The following CARHSP1 variants were observed in gnomAD, a reference collection of about 807,000 sequenced individuals.
CARHSP1 encodes the protein calcium-regulated heat-stable protein 1.
In CARHSP1, 14 loss-of-function variants were observed where a neutral mutation model predicts 12.5. The ratio of observed to expected loss-of-function variants is 1.12; its 90% CI spans 0.74 to 1.75. The LOEUF is 1.75. CARHSP1 is among the 40% of genes most tolerant of loss of function. CARHSP1 has a pLI of 0.00. For missense variants in CARHSP1, 343 were observed against 201.6 expected (o/e 1.70, Z -4.25); for synonymous variants, 161 against 82.0 (o/e 1.96, Z -5.20).
chr16:8,858,481 G>A lies in CARHSP1; in HGVS notation c.159-9C>T, dbSNP rs376412237. The A allele has an allele frequency of 4.1e-4, 663 of 1,613,056 alleles. 9 individuals are homozygous for A. The South Asian group carries it at 6.9e-3, about 17-fold the overall frequency. Reference sequence around the variant, plus strand: ...GTGAAGCCCGCACCGTCCTGACAGAGAGGGGGAAATGTCAGGGGCCCCATC... The same window carrying A: ...GTGAAGCCCGCACCGTCCTGACAGAAAGGGGGAAATGTCAGGGGCCCCATC... On this transcript the variant is annotated splice_polypyrimidine_tract_variant and intron_variant, in intron 2 of 3. Coordinates refer to ENST00000311052, the MANE Select transcript of CARHSP1 (RefSeq NM_014316.4).
intron 2 of CARHSP1, chr16:8,858,933 C>A (rs79516099): frequency 2.2e-5 from 10 of 463,604 alleles, no homozygotes; most frequent in Admixed American, 3.7e-5. Context: ...GATTCTGACC[C>A]CAGCAACTGC....
chr16:8,858,995 C>T (rs576694348), intron 2 of CARHSP1, 176 bp downstream of exon 2: 2 of 562,684 alleles, frequency 3.6e-6, no homozygotes, highest in East Asian at 2.9e-5. Flanking sequence ...CTGGGCAGTA[C>T]CCTGAATTTA....
chr16:8,863,839 AATACACAC>A (rs1360619971), intron 1 of CARHSP1, among the ~76,000 whole-genome samples: 1 of 152,180 alleles, frequency 6.6e-6, no homozygotes, highest in Non-Finnish European at 1.5e-5. Context: ...TCCCCTCCAC[AATACACAC>A]ATACACAAGG....
At position 8,854,138 on chromosome 16, in the gene CARHSP1, C is replaced by A. The variant is rs2061022495; in HGVS notation, c.*1026G>T. On this transcript the variant is annotated 3_prime_UTR_variant, in exon 4 of 4. Transcript: ENST00000311052. ...CAGCAAAGTGCAAACAGAGCCGGCT[C>A]TGGGTGAAAGCTTTAGTTATGAAAA... is the stretch of plus-strand genomic sequence containing the variant. 6.6e-6 allele frequency: 1 copy of A among 151,866 alleles called. No individual in the cohort carries two copies. The highest frequency in any genetic ancestry group is 2.1e-4 in the South Asian group (1 of 4,806). The allele number at this position is 151,866 out of a possible 1,614,324, so 9.4% of individuals were successfully genotyped here.
rs777974865 is a variant in CARHSP1, at chr16:8,854,301, G to A, written c.*863C>T. ...CAAGCTACCTACTCTTTTCTGGATGGATCGGGACAAAGTTTTTAAACAAAG... is the reference window on the plus strand; with the variant it reads ...CAAGCTACCTACTCTTTTCTGGATGAATCGGGACAAAGTTTTTAAACAAAG... On this transcript the variant is annotated 3_prime_UTR_variant, in exon 4 of 4. Coordinates refer to ENST00000311052, the MANE Select transcript of CARHSP1 (RefSeq NM_014316.4). 6.6e-6 allele frequency: 1 copy of A among 152,138 alleles called. No individual in the cohort carries two copies. Among genetic ancestry groups the A allele is most frequent in the Non-Finnish European group, 1.5e-5 (1 of 68,040 alleles). 9.4% of individuals were successfully genotyped at this position (152,138 alleles called of 1,614,324 possible). A position where few individuals can be genotyped will look rare whatever the true frequency, so the allele number is the denominator to read the frequency against.
intron 1 of CARHSP1, among the ~76,000 whole-genome samples, chr16:8,861,265 C>T (rs1274468291): frequency 7.2e-6 from 1 of 139,554 alleles, no homozygotes; most frequent in Non-Finnish European, 1.5e-5. Flanking sequence ...CGGATTCTCC[C>T]ACCTCTTCCT....
intron 1 of CARHSP1, among the ~76,000 whole-genome samples, chr16:8,861,174 T>A (rs2061342521): frequency 4.2e-5 from 2 of 47,756 alleles, no homozygotes; most frequent in African/African-American, 5.8e-5. Context: ...TTTTTTTTTT[T>A]TTTTTTTTTT....
chr16:8,866,659 G>C (rs947569848), intron 1 of CARHSP1, among the ~76,000 whole-genome samples: 1 of 151,956 alleles, frequency 6.6e-6, no homozygotes, highest in East Asian at 1.9e-4. Flanking sequence ...CATTGTTCCG[G>C]GGAGAGCGGG....
intron 1 of CARHSP1, among the ~76,000 whole-genome samples, chr16:8,865,036 C>G (rs1357190157): frequency 6.6e-6 from 1 of 152,194 alleles, no homozygotes; most frequent in Non-Finnish European, 1.5e-5. Flanking sequence ...CCTGTGCTTA[C>G]TGCAAGGAGG....
intron 3 of CARHSP1, among the ~76,000 whole-genome samples, chr16:8,857,263 G>GGTTTT (rs2061150044): frequency 5.3e-5 from 3 of 57,006 alleles, no homozygotes; most frequent in Non-Finnish European, 1.1e-4. Context: ...GGGCAGATCT[G>GGTTTT]TTTTTTTTTT....
intron 1 of CARHSP1, among the ~76,000 whole-genome samples, chr16:8,863,598 C>A (rs1213199742): frequency 6.6e-6 from 1 of 152,134 alleles, no homozygotes. Flanking sequence ...ACTGGGAGAC[C>A]CAGGAGCTTT....
intron 2 of CARHSP1, 134 bp from the exon 3 acceptor site, chr16:8,858,606 A>C: frequency 9.1e-7 from 1 of 1,101,300 alleles, no homozygotes; most frequent in South Asian, 1.6e-5. Context: ...CAGGCTGAGG[A>C]CTGCACAACC....
At chr16:8,861,866 C>T (rs1596541660) in intron 1 of CARHSP1, 1 of 1,161,466 alleles carries the variant, frequency 8.6e-7, no homozygotes, top group African/African-American at 1.6e-5. Flanking sequence ...AGGGCCCTGT[C>T]CAGGCCTCCC....
intron 3 of CARHSP1, chr16:8,857,562 G>T (rs2141085633): frequency 6.9e-6 from 1 of 145,058 alleles, no homozygotes; most frequent in East Asian, 2.1e-4. Context: ...AAAGTGCTGG[G>T]ACTACAGGTG....
chr16:8,865,777 A>G (rs1194279947), intron 1 of CARHSP1, among the ~76,000 whole-genome samples: 2 of 152,204 alleles, frequency 1.3e-5, no homozygotes, highest in African/African-American at 2.4e-5. Flanking sequence ...GCACGTAAAC[A>G]TCGACCCAAC....
Position 8,855,034 on chromosome 16 carries a change from G to A in CARHSP1, c.*130C>T, listed in dbSNP as rs924164390. 1.4e-6 allele frequency: 1 copy of A among 718,548 alleles called. No individual in the cohort carries two copies. The highest frequency in any genetic ancestry group is 1.8e-5 in the African/African-American group (1 of 55,120). 44.5% of individuals were successfully genotyped at this position (718,548 alleles called of 1,614,324 possible). A position where few individuals can be genotyped will look rare whatever the true frequency, so the allele number is the denominator to read the frequency against. Reference sequence around the variant, plus strand: ...CTGCCCCCCATACCCCTTCCTCCAGGAGATACTTGAGAGGGACCATGCCCG... The same window carrying A: ...CTGCCCCCCATACCCCTTCCTCCAGAAGATACTTGAGAGGGACCATGCCCG... On this transcript the variant is annotated 3_prime_UTR_variant, in exon 4 of 4. Coordinates refer to ENST00000311052, the MANE Select transcript of CARHSP1 (RefSeq NM_014316.4).
In CARHSP1 at chr16:8,860,222, C is replaced by T. The variant is rs150792701; in HGVS notation, c.-7-887G>A. 2.7e-4 allele frequency: 268 copies of T among 985,228 alleles called. 3 individuals carry two copies. The East Asian group carries it at 7.8e-3, about 29-fold the overall frequency. The allele number at this position is 985,228 out of a possible 1,614,324, so 61.0% of individuals were successfully genotyped here. On this transcript the variant is annotated intron_variant, in intron 1 of 3. Coordinates refer to ENST00000311052, the MANE Select transcript of CARHSP1 (RefSeq NM_014316.4). ...GCACCCAGGACTGGGGGGCCTGCTG[C>T]GAGAGCCCAAAGGGAAAGGGAGAAT...
Position 8,853,080 on chromosome 16 carries a change from C to G in CARHSP1, c.*2084G>C, listed in dbSNP as rs1291288904. On this transcript the variant is annotated 3_prime_UTR_variant, in exon 4 of 4. Transcript: ENST00000311052. ...CTCCCAGAGCCTCGAGGAGTTTCCC[C>G]TTGTGTAAACCGGTATCGCGTCCCT... The G allele has an allele frequency of 6.6e-6, 1 of 152,182 alleles. No homozygotes were observed. The highest frequency in any genetic ancestry group is 2.4e-5 in the African/African-American group (1 of 41,448). The allele number at this position is 152,182 out of a possible 1,614,324, so 9.4% of individuals were successfully genotyped here.
intron 1 of CARHSP1, chr16:8,861,762 G>A (rs2061362650): frequency 7.8e-7 from 1 of 1,281,868 alleles, no homozygotes; most frequent in Admixed American, 2.3e-5. Context: ...TGGCCTGGGG[G>A]CCAGGGCCCC....
Sources: allele counts gnomAD v4.1 joint callset (sites outside exome capture counted in the v4.1 genomes callset), GRCh38; gene constraint gnomAD v4.1.1; transcripts MANE v1.5; gene names NCBI Gene and HGNC (gene_info 2026-07-23, HGNC 2026-07-21).